The following NCKAP5 variants were observed in gnomAD, a reference collection of about 807,000 sequenced individuals.
The protein encoded by NCKAP5 is NCK associated protein 5, also known as nck-associated protein 5.
A neutral mutation model predicts 167.0 loss-of-function variants in NCKAP5; 92 were observed. The observed-to-expected ratio is 0.55, with a 90% CI of 0.47 to 0.66. The LOEUF (loss-of-function observed/expected upper bound fraction) is 0.66. Among genes scored for constraint, NCKAP5 ranks in the 30% least tolerant of loss-of-function variants. The probability of loss-of-function intolerance (pLI) is 0.00; values close to 1 mark genes in which losing one functional copy is unlikely to be tolerated. For synonymous variants in NCKAP5, 891 were observed against 877.4 expected, an observed-to-expected ratio of 1.02 and a Z score of -0.27; for missense variants, 2,378 against 2,315.0, an observed-to-expected ratio of 1.03 and a Z score of -0.56.
chr2:132,702,794 C>G (rs780130620), intron 19 of NCKAP5, among the ~76,000 whole-genome samples: 1 of 152,182 alleles, frequency 6.6e-6, no homozygotes, highest in Non-Finnish European at 1.5e-5. Flanking sequence ...CCTCCCATCA[C>G]TTTCTCCCAG....
chr2:132,771,388 T>C (rs1457967654), intron 16 of NCKAP5, among the ~76,000 whole-genome samples: 1 of 151,974 alleles, frequency 6.6e-6, no homozygotes, highest in Non-Finnish European at 1.5e-5. Context: ...CTCTACAATG[T>C]GTTTGTTTTA....
At chr2:133,515,494 G>A (rs1432339047) in intron 3 of NCKAP5, among the ~76,000 whole-genome samples, 1 of 152,096 alleles carries the variant, frequency 6.6e-6, no homozygotes, top group East Asian at 1.9e-4. Flanking sequence ...CATGACACAG[G>A]GAGACTTAAC....
At chr2:132,718,491 A>G (rs1689589849) in intron 19 of NCKAP5, among the ~76,000 whole-genome samples, 2 of 152,244 alleles carry the variant, frequency 1.3e-5, no homozygotes, top group South Asian at 4.1e-4. Flanking sequence ...ATTTAGACAA[A>G]GCAAAACAAA....
At chr2:133,389,285 G>A (rs1006104634) in intron 3 of NCKAP5, among the ~76,000 whole-genome samples, 4 of 152,160 alleles carry the variant, frequency 2.6e-5, no homozygotes, top group African/African-American at 7.2e-5. Flanking sequence ...CTTGAAAGAT[G>A]TATATATCCT....
intron 3 of NCKAP5, among the ~76,000 whole-genome samples, chr2:133,357,783 C>T (rs1684839374): frequency 6.6e-6 from 1 of 152,200 alleles, no homozygotes; most frequent in Non-Finnish European, 1.5e-5. Flanking sequence ...TAAAACACTT[C>T]AGTACTTCAG....
intron 2 of NCKAP5, among the ~76,000 whole-genome samples, chr2:133,523,768 C>T (rs540914560): frequency 4.6e-5 from 7 of 152,062 alleles, no homozygotes; most frequent in Non-Finnish European, 8.8e-5. Context: ...CAGCATCCAA[C>T]GCACCAGCTC....
intron 4 of NCKAP5, among the ~76,000 whole-genome samples, chr2:133,220,004 G>A (rs375659408): frequency 1.2e-4 from 19 of 152,220 alleles, no homozygotes; most frequent in African/African-American, 4.6e-4. Flanking sequence ...GAAACCAATT[G>A]GGACTAGTAT....
intron 3 of NCKAP5, among the ~76,000 whole-genome samples, chr2:133,376,073 G>T (rs1011652934): frequency 3.9e-5 from 6 of 151,916 alleles, no homozygotes; most frequent in Admixed American, 3.9e-4. Context: ...AGAGGGTCTG[G>T]GCAACAAAAT....
At chr2:133,568,633 C>A (rs1688733643), upstream of NCKAP5, among the ~76,000 whole-genome samples, 1 of 152,128 alleles carries the variant, frequency 6.6e-6, no homozygotes, top group Admixed American at 6.5e-5. Context: ...GTTATACATG[C>A]GTAAATAATC....
chr2:133,542,187 C>T (rs932735405), intron 2 of NCKAP5, among the ~76,000 whole-genome samples: 4 of 152,112 alleles, frequency 2.6e-5, no homozygotes, highest in African/African-American at 7.2e-5. Context: ...CAAGCAGTCA[C>T]GAACATGACG....
rs560806624 is a variant in NCKAP5, at chr2:133,466,648, A to C, written c.69+50810T>G. 1.8e-3 allele frequency among the ~76,000 whole-genome samples: 280 copies of C among 152,266 alleles called. 4 individuals are homozygous for C. The highest frequency in any genetic ancestry group is 6.1e-3 in the African/African-American group (255 of 41,526). ...TGATTCTTCCTACCCATGAGCATGG[A>C]ATGTTCTTCCGTTTGTTTGTATCCT... On this transcript the variant is annotated intron_variant, in intron 3 of 19. Transcript: ENST00000409261.
At chr2:132,971,662 AC>A (rs1048441160) in intron 7 of NCKAP5, among the ~76,000 whole-genome samples, 2 of 152,230 alleles carry the variant, frequency 1.3e-5, no homozygotes, top group Admixed American at 1.3e-4. Context: ...CAAAATGAGA[AC>A]CCACAGTTTG....
chr2:133,330,999 T>C (rs933331671), intron 3 of NCKAP5, among the ~76,000 whole-genome samples: 1 of 152,226 alleles, frequency 6.6e-6, no homozygotes, highest in South Asian at 2.1e-4. Context: ...CACTGTACCA[T>C]GTGCTATTAT....
intron 4 of NCKAP5, among the ~76,000 whole-genome samples, chr2:133,297,287 T>C (rs1381016742): frequency 6.6e-6 from 1 of 151,996 alleles, no homozygotes; most frequent in Non-Finnish European, 1.5e-5. Context: ...AAGTTCTAGA[T>C]TCTGACTCCA....
chr2:132,895,910 A>G (rs1350322971), intron 8 of NCKAP5, among the ~76,000 whole-genome samples: 1 of 151,942 alleles, frequency 6.6e-6, no homozygotes, highest in Admixed American at 6.6e-5. Flanking sequence ...CGAGGTGGGC[A>G]GATCACCTGA....
intron 3 of NCKAP5, among the ~76,000 whole-genome samples, chr2:133,332,370 G>C (rs1490177987): frequency 6.6e-6 from 1 of 151,948 alleles, no homozygotes; most frequent in Non-Finnish European, 1.5e-5. Flanking sequence ...ACCAGAATTA[G>C]GTTCACTACC....
chr2:133,355,275 C>T (rs930084412), intron 3 of NCKAP5, among the ~76,000 whole-genome samples: 4 of 152,156 alleles, frequency 2.6e-5, no homozygotes, highest in Non-Finnish European at 4.4e-5. Flanking sequence ...TTAAATATCA[C>T]TCCTTCAGGG....
chr2:133,641,564 G>A, the NCKAP5 span, among the ~76,000 whole-genome samples: 1 of 152,214 alleles, frequency 6.6e-6, no homozygotes, highest in African/African-American at 2.4e-5. Context: ...TCCTGTTCCT[G>A]CCTGGCTGTG....
At chr2:133,668,088 TCA>T in the NCKAP5 span, among the ~76,000 whole-genome samples, 1 of 152,184 alleles carries the variant, frequency 6.6e-6, no homozygotes, top group South Asian at 2.1e-4. Flanking sequence ...CAAGGTTCAT[TCA>T]TGTGGTATAT....
Sources: gnomAD v4.1 joint callset for allele counts (sites outside exome capture counted in the v4.1 genomes callset) on GRCh38, gnomAD v4.1.1 for gene constraint, MANE v1.5 for transcripts, NCBI Gene and HGNC (gene_info 2026-07-23, HGNC 2026-07-21) for gene names.